TAOK3: variants seen among roughly 807,000 people sequenced by gnomAD.
The protein encoded by TAOK3 is serine/threonine-protein kinase TAO3.
TAOK3 carries 40 observed loss-of-function variants against 120.4 expected under a neutral mutation model. The ratio of observed to expected loss-of-function variants is 0.33; its 90% CI spans 0.26 to 0.43. The LOEUF (loss-of-function observed/expected upper bound fraction) is 0.43, where lower values mean the gene tolerates loss of function less well. Ranked by LOEUF, TAOK3 falls within the 20% of genes least tolerant of loss-of-function variation. The pLI is 1.00. For synonymous variants in TAOK3, 355 were observed against 387.5 expected (o/e 0.92, Z 0.99); for missense variants, 821 against 1,112.1 (o/e 0.74, Z 3.72).
chr12:118,309,393 C>T (rs1039848662), intron 1 of TAOK3, among the ~76,000 whole-genome samples: 2 of 151,714 alleles, frequency 1.3e-5, no homozygotes, highest in Non-Finnish European at 2.9e-5. Flanking sequence ...TATGGACATC[C>T]TAAGTTCTCA....
At chr12:118,346,720 G>GATAT (rs1472023626) in intron 1 of TAOK3, among the ~76,000 whole-genome samples, 1 of 152,182 alleles carries the variant, frequency 6.6e-6, no homozygotes, top group African/African-American at 2.4e-5. Context: ...CATAGGCAAA[G>GATAT]ATATGTTCAA....
Position 118,371,531 on chromosome 12 carries a change from T to TCC in TAOK3, c.-194+1115_-194+1116dup, listed in dbSNP as rs55747748. 8.6e-4 allele frequency among the ~76,000 whole-genome samples: 131 copies of TCC among 151,920 alleles called. No individual in the cohort carries two copies. Among genetic ancestry groups the TCC allele is most frequent in the African/African-American group, 3.0e-3 (123 of 41,494 alleles). The stretch of plus-strand genomic sequence containing the variant: ...TTCATGACATAATCCGGCTCCGGAG[T>TCC]CCCCCGGAGTCCCGGGGGCTCACAC... On this transcript the variant is annotated intron_variant, in intron 1 of 20. Transcript: ENST00000392533. This position sits in a 1 kb window ranked among gnomAD's most constrained non-coding sequence, Gnocchi z 5.5.
At chr12:118,314,621 A>G (rs2043381805) in intron 1 of TAOK3, among the ~76,000 whole-genome samples, 1 of 152,190 alleles carries the variant, frequency 6.6e-6, no homozygotes, top group African/African-American at 2.4e-5. Flanking sequence ...CAAGGTTGGA[A>G]AAGACTTCAG....
chr12:118,278,277 G>T (rs1416574427), intron 1 of TAOK3, among the ~76,000 whole-genome samples: 2 of 151,980 alleles, frequency 1.3e-5, no homozygotes, highest in African/African-American at 2.4e-5. Flanking sequence ...GTAGTTTTTT[G>T]ATCCTGACCC....
At chr12:118,324,992 C>T (rs1463493028) in intron 1 of TAOK3, among the ~76,000 whole-genome samples, 5 of 151,978 alleles carry the variant, frequency 3.3e-5, no homozygotes, top group East Asian at 1.9e-4. Flanking sequence ...GTGATCCGCC[C>T]GCCTCGGCCT....
intron 1 of TAOK3, among the ~76,000 whole-genome samples, chr12:118,271,159 A>G (rs1255562377): frequency 2.0e-5 from 3 of 152,202 alleles, no homozygotes; most frequent in Admixed American, 6.5e-5. Flanking sequence ...TTATTGAGAT[A>G]TAATTCACCT....
At chr12:118,341,826 G>A (rs1488406000) in intron 1 of TAOK3, among the ~76,000 whole-genome samples, 1 of 152,120 alleles carries the variant, frequency 6.6e-6, no homozygotes, top group Non-Finnish European at 1.5e-5. Context: ...GAGTTGGAGA[G>A]CAGCCTGGGC....
In TAOK3 at chr12:118,178,445, C is replaced by T. The variant is rs1053949666; in HGVS notation, c.1567-1116G>A. On this transcript the variant is annotated intron_variant, in intron 15 of 20. Transcript: ENST00000392533. ...GGTATCAACTCAAGTGTAATTGGAACGCTAACGGCATTTTGTTTTCTTTTT... is the reference window on the plus strand; with the variant it reads ...GGTATCAACTCAAGTGTAATTGGAATGCTAACGGCATTTTGTTTTCTTTTT... Among the ~76,000 whole-genome samples the T allele has an allele frequency of 7.2e-5, 11 of 152,118 alleles. No homozygotes were observed. The South Asian group carries it at 8.3e-4, about 11-fold the overall frequency.
intron 9 of TAOK3, among the ~76,000 whole-genome samples, chr12:118,226,582 C>T (rs1339778827): frequency 5.3e-5 from 8 of 150,960 alleles, no homozygotes; most frequent in Admixed American, 4.0e-4. Context: ...TGACCAAAGT[C>T]AGACAACTAC....
intron 17 of TAOK3, among the ~76,000 whole-genome samples, chr12:118,170,828 T>G (rs2035955709): frequency 6.6e-6 from 1 of 152,190 alleles, no homozygotes; most frequent in Non-Finnish European, 1.5e-5. Context: ...AGAAAGAGCC[T>G]GAGCCTGGCC....
chr12:118,369,185 C>T (rs79472026), intron 1 of TAOK3, among the ~76,000 whole-genome samples: 7,407 of 152,078 alleles, frequency 0.049, 395 homozygotes, highest in East Asian at 0.25. Context: ...TACATACACC[C>T]TGTCTCAAAT....
chr12:118,239,158 T>C (rs1308841673), intron 6 of TAOK3, 69 bp downstream of exon 6: 15 of 1,025,674 alleles, frequency 1.5e-5, no homozygotes, highest in Non-Finnish European at 2.0e-5. Context: ...AACTACACTT[T>C]AGTATGGCGG....
At chr12:118,277,525 A>G (rs751814858) in intron 1 of TAOK3, among the ~76,000 whole-genome samples, 2 of 151,258 alleles carry the variant, frequency 1.3e-5, no homozygotes, top group African/African-American at 2.4e-5. Context: ...CAGTGGCATG[A>G]TCTCGGCTCA....
chr12:118,242,449 C>A (rs1359284595), intron 5 of TAOK3, among the ~76,000 whole-genome samples: 1 of 152,110 alleles, frequency 6.6e-6, no homozygotes, highest in Non-Finnish European at 1.5e-5. Context: ...ACAATAAATG[C>A]TAGTTAAATT....
chr12:118,288,086 T>C (rs2042328729), intron 1 of TAOK3, among the ~76,000 whole-genome samples: 1 of 151,902 alleles, frequency 6.6e-6, no homozygotes, highest in Non-Finnish European at 1.5e-5. Flanking sequence ...ATTTTTTTGT[T>C]TGGGACAAAC....
intron 1 of TAOK3, among the ~76,000 whole-genome samples, chr12:118,299,171 T>C (rs1180265310): frequency 1.3e-5 from 2 of 152,102 alleles, no homozygotes; most frequent in Non-Finnish European, 2.9e-5. Context: ...GAAAATATAA[T>C]TATACAAAAA....
chr12:118,152,277 G>T lies in TAOK3; in HGVS notation c.2485C>A (p.Gln829Lys), dbSNP rs2034503364. The change falls in exon 20 of 21, where the codon CAG (glutamine) becomes AAG (lysine). Residue 829 changes from glutamine (Q) to lysine (K), a missense_variant. This residue lies in a region of TAOK3 where 354 missense variants were observed against 572.1 expected (regional missense o/e 0.62). Coordinates refer to ENST00000392533, the MANE Select transcript of TAOK3 (RefSeq NM_016281.4). ...QTEAQHEREL[Q>K]KLEQRVSLRR... The stretch of plus-strand genomic sequence containing the variant: ...AGAGACACTCTCTGCTCTAGCTTCT[G>T]GAGCTCACGTTCATGTTGTGCCTCT... 1 of 1,614,044 alleles carries T rather than the reference G, an allele frequency of 6.2e-7. No individual in the cohort carries two copies. Among genetic ancestry groups the T allele is most frequent in the Non-Finnish European group, 8.5e-7 (1 of 1,180,030 alleles).
At chr12:118,196,892 A>C (rs2037758068) in intron 13 of TAOK3, among the ~76,000 whole-genome samples, 1 of 152,240 alleles carries the variant, frequency 6.6e-6, no homozygotes, top group Non-Finnish European at 1.5e-5. Context: ...GTCCAAAGTA[A>C]AATAAAACTA....
chr12:118,214,182 G>A (rs2038768655), intron 9 of TAOK3, 72 bp from the exon 10 acceptor site: 1 of 1,206,932 alleles, frequency 8.3e-7, no homozygotes. Context: ...AAGAAACTAT[G>A]AGCAAAGCTT....
Sources: allele counts gnomAD v4.1 joint callset (sites outside exome capture counted in the v4.1 genomes callset), GRCh38; gene constraint gnomAD v4.1.1; regional missense constraint gnomAD v4.1.1; non-coding constraint Gnocchi (gnomAD v3.1); transcripts MANE v1.5; gene names NCBI Gene and HGNC (gene_info 2026-07-23, HGNC 2026-07-21).